MKNK2: variants seen among roughly 807,000 people sequenced by gnomAD.
MKNK2 encodes the protein MAPK interacting serine/threonine kinase 2, also known as MAP kinase-interacting serine/threonine-protein kinase 2.
Under a neutral mutation model 55.0 loss-of-function variants are expected in MKNK2, and 54 were observed. The observed-to-expected ratio is 0.98, with a 90% CI of 0.79 to 1.23. The LOEUF is 1.23. Among genes scored for constraint, MKNK2 ranks in the 50% most tolerant of loss-of-function variants. The probability of loss-of-function intolerance (pLI) is 0.00; values close to 1 mark genes in which losing one functional copy is unlikely to be tolerated. For synonymous variants in MKNK2, 323 were observed against 256.0 expected (o/e 1.26, Z -2.50); for missense variants, 685 against 632.1 (o/e 1.08, Z -0.90).
chr19:2,038,564 A>G lies in MKNK2; in HGVS notation c.*1049T>C, dbSNP rs2016804841. On this transcript the variant is annotated 3_prime_UTR_variant, in exon 14 of 14. Transcript: ENST00000250896. ...CCGTTTTCCTGAAGGTGGCAGACCA[A>G]AAACACTGCCCTGGGGGTGAGGATT... The G allele has an allele frequency of 1.0e-6, 1 of 985,574 alleles. No individual in the cohort carries two copies. Among genetic ancestry groups the G allele is most frequent in the Non-Finnish European group, 1.2e-6 (1 of 829,996 alleles). The allele number at this position is 985,574 out of a possible 1,614,324, so 61.1% of individuals were successfully genotyped here. A position where few individuals can be genotyped will look rare whatever the true frequency, so the allele number is the denominator to read the frequency against.
chr19:2,042,917 C>A, intron 7 of MKNK2, 47 bp from the exon 8 acceptor site: 1 of 1,523,410 alleles, frequency 6.6e-7, no homozygotes, highest in Non-Finnish European at 8.9e-7. Context: ...CGCAGGTCAC[C>A]TCAAAGTCCC....
intron 10 of MKNK2, 194 bp downstream of exon 10, chr19:2,042,232 CA>C: frequency 1.4e-6 from 1 of 726,662 alleles, no homozygotes; most frequent in South Asian, 2.0e-5. Context: ...GGCCCCGCCC[CA>C]CCCGGCCAAA....
At chr19:2,049,941 TCA>T (rs1275458702) in intron 2 of MKNK2, among the ~76,000 whole-genome samples, 2 of 151,822 alleles carry the variant, frequency 1.3e-5, no homozygotes, top group African/African-American at 4.8e-5. Context: ...ACACATACAC[TCA>T]CACTCTCTCT....
In MKNK2 at chr19:2,041,101, A is replaced by C; in HGVS notation, c.1049T>G (p.Val350Gly). The C allele has an allele frequency of 6.2e-7, 1 of 1,614,016 alleles. No individual in the cohort carries two copies. The change falls in exon 12 of 14, where the codon GTC (valine) becomes GGC (glycine). Residue 350 changes from valine to glycine, a missense_variant. By Grantham distance (109) the Val-to-Gly change is moderately radical. Coordinates refer to ENST00000250896, the MANE Select transcript of MKNK2 (RefSeq NM_199054.3). ...ACTCAGCCTCTGCTTGGCGTCACGG[A>C]CCAGCAGCTTGGAGATGAGGTCTTT... ...AAKDLISKLLVRDAKQRLSAA... is the reference protein window; with the variant it reads ...AAKDLISKLLGRDAKQRLSAA...
intron 2 of MKNK2, among the ~76,000 whole-genome samples, chr19:2,050,476 C>T (rs566344017): frequency 6.6e-6 from 1 of 152,372 alleles, no homozygotes; most frequent in South Asian, 2.1e-4. Context: ...CCTGCTGACC[C>T]CCCAGAACAT....
chr19:2,041,031 G>T lies in MKNK2; in HGVS notation c.1110+9C>A, dbSNP rs2016867748. On this transcript the variant is annotated intron_variant, in intron 12 of 13. Coordinates refer to ENST00000250896, the MANE Select transcript of MKNK2 (RefSeq NM_199054.3). Reference sequence around the variant, plus strand: ...TACCCCTCCTGCCGCCCGTGCGGCTGGTACTCACCCCCTGAACCCAGGGGT... The same window carrying T: ...TACCCCTCCTGCCGCCCGTGCGGCTTGTACTCACCCCCTGAACCCAGGGGT... 1 of 1,613,436 alleles carries T rather than the reference G, an allele frequency of 6.2e-7. No individual in the cohort carries two copies. The highest frequency in any genetic ancestry group is 8.5e-7 in the Non-Finnish European group (1 of 1,179,812).
intron 2 of MKNK2, among the ~76,000 whole-genome samples, chr19:2,047,664 G>A (rs2017028872): frequency 1.3e-5 from 2 of 152,080 alleles, no homozygotes; most frequent in Admixed American, 1.3e-4. Context: ...GCCATCTCAG[G>A]GCAGCTGAGT....
In MKNK2 at chr19:2,050,714, C is replaced by T. The variant is rs969593272; in HGVS notation, c.51+87G>A. On this transcript the variant is annotated intron_variant, in intron 2 of 13. Transcript: ENST00000250896. ...GGGGCCAGGCACGAGCCCCGGGAGC[C>T]GATCTTAGGGGCGGGCCCCGCGCCC... 70 of 1,310,866 alleles carry T rather than the reference C, an allele frequency of 5.3e-5. 1 individual carries two copies. In the African/African-American group the frequency reaches 7.8e-4, roughly 15 times the overall value. 81.2% of individuals were successfully genotyped at this position (1,310,866 alleles called of 1,614,324 possible).
intron 7 of MKNK2, 57 bp from the exon 8 acceptor site, chr19:2,042,927 C>T: frequency 6.6e-7 from 1 of 1,507,822 alleles, no homozygotes; most frequent in Non-Finnish European, 9.0e-7. Context: ...CTCAAAGTCC[C>T]CTCAAGGCCA....
intron 4 of MKNK2, 41 bp downstream of exon 4, chr19:2,046,326 C>T (rs75854250): frequency 0.041 from 65,040 of 1,603,596 alleles, 1,584 homozygotes; most frequent in East Asian, 0.11. Flanking sequence ...CCTGGCTTTT[C>T]CCCGCTCCCG....
In MKNK2 at chr19:2,042,663, CT is replaced by C; in HGVS notation, c.599-2del. ...GGCTTTAGGTCCCTGTGGGCGATGC[CT>C]GGGGGAGAAGCCACAGAACCACGAC... is the stretch of plus-strand genomic sequence containing the variant. On this transcript the variant is annotated splice_acceptor_variant, in intron 8 of 13. Coordinates refer to ENST00000250896, the MANE Select transcript of MKNK2 (RefSeq NM_199054.3). LOFTEE classifies it high-confidence loss of function. 6.4e-7 allele frequency: 1 copy of C among 1,560,838 alleles called. No individual in the cohort carries two copies. Among genetic ancestry groups the C allele is most frequent in the East Asian group, 2.4e-5 (1 of 42,406 alleles).
At position 2,041,860 on chromosome 19, in the gene MKNK2, C is replaced by A; in HGVS notation, c.925G>T (p.Glu309Ter). The A allele has an allele frequency of 6.5e-7, 1 of 1,534,088 alleles. No individual in the cohort carries two copies. The highest frequency in any genetic ancestry group is 8.8e-7 in the Non-Finnish European group (1 of 1,139,786). Residue 309 changes from glutamate to a stop codon, truncating the protein, a stop_gained, in exon 11 of 14, where the codon GAG (glutamate) becomes TAG (stop). Transcript: ENST00000250896. LOFTEE classifies it high-confidence loss of function. The stretch of plus-strand genomic sequence containing the variant: ...CGCACCTGGCAGGCAGGGCAGGCCT[C>A]GCCGCGGTCCCAGCCGCAGTCGCTG... ...CGSDCGWDRG[E>*]ACPACQNMLF...
Position 2,041,941 on chromosome 19 carries a change from C to T in MKNK2, c.844G>A (p.Gly282Ser). 2.6e-6 allele frequency: 4 copies of T among 1,555,820 alleles called. No individual in the cohort carries two copies. The highest frequency in any genetic ancestry group is 3.5e-6 in the Non-Finnish European group (4 of 1,149,788). The change falls in exon 11 of 14, where the codon GGC (glycine) becomes AGC (serine). Residue 282 changes from glycine (G) to serine (S), a missense_variant. By Grantham distance (56) the Gly-to-Ser change is moderately conservative. Transcript: ENST00000250896. The part of the protein sequence containing the change: ...YDKRCDLWSL[G>S]VILYILLSGY... ...CTGAGTAGGATATACAAGATGACGC[C>T]CAGGCTCCACAGGTCGCAGCGCTTG...
intron 2 of MKNK2, among the ~76,000 whole-genome samples, chr19:2,048,242 T>TAGAAA (rs1195023346): frequency 1.3e-5 from 2 of 152,058 alleles, no homozygotes; most frequent in African/African-American, 2.4e-5. Flanking sequence ...GGGTCATTTC[T>TAGAAA]TGACCCAGCC....
chr19:2,042,037 G>GCGGGCGGGGGAGGGGCGCGT lies in MKNK2; in HGVS notation c.751-23_751-4dup. ...GCCATGTACTCCGCCGAGCCGCACTGCGGGCGGGGGAGGGGCGCGTCAGCC... is the reference window on the plus strand; with the variant it reads ...GCCATGTACTCCGCCGAGCCGCACTGCGGGCGGGGGAGGGGCGCGTCGGGCGGGGGAGGGGCGCGTCAGCC... On this transcript the variant is annotated splice_polypyrimidine_tract_variant and splice_region_variant and intron_variant, in intron 10 of 13. Transcript: ENST00000250896. 1 of 1,483,540 alleles carries GCGGGCGGGGGAGGGGCGCGT rather than the reference G, an allele frequency of 6.7e-7. No homozygotes were observed. Among genetic ancestry groups the GCGGGCGGGGGAGGGGCGCGT allele is most frequent in the Non-Finnish European group, 9.0e-7 (1 of 1,115,676 alleles). 91.9% of individuals were successfully genotyped at this position (1,483,540 alleles called of 1,614,324 possible).
Position 2,046,776 on chromosome 19 carries a change from G to A in MKNK2, c.52-85C>T, listed in dbSNP as rs550928166. On this transcript the variant is annotated intron_variant, in intron 2 of 13. Coordinates refer to ENST00000250896, the MANE Select transcript of MKNK2 (RefSeq NM_199054.3). ...ACCTATCCTGCCCCAGTGTCGCAGCGTCCACACTGACAAGCCCTGCGCTGA... is the reference window on the plus strand; with the variant it reads ...ACCTATCCTGCCCCAGTGTCGCAGCATCCACACTGACAAGCCCTGCGCTGA... The A allele has an allele frequency of 8.5e-4, 935 of 1,096,894 alleles. 3 individuals are homozygous for A. Among genetic ancestry groups the A allele is most frequent in the Non-Finnish European group, 1.1e-3 (875 of 779,992 alleles). 67.9% of individuals were successfully genotyped at this position (1,096,894 alleles called of 1,614,324 possible). A position where few individuals can be genotyped will look rare whatever the true frequency, so the allele number is the denominator to read the frequency against.
At position 2,044,294 on chromosome 19, in the gene MKNK2, C is replaced by T. The variant is rs893459005; in HGVS notation, c.340-712G>A. ...CTCCCCAGCTCCGTGCCAGCCTGGG[C>T]AGACACTTGCCTGCCGCCTCAGCCA... On this transcript the variant is annotated intron_variant, in intron 5 of 13. Coordinates refer to ENST00000250896, the MANE Select transcript of MKNK2 (RefSeq NM_199054.3). 3.3e-5 allele frequency among the ~76,000 whole-genome samples: 5 copies of T among 152,354 alleles called. No individual in the cohort carries two copies. In the South Asian group the frequency reaches 1.0e-3, roughly 32 times the overall value.
rs774940427 is a variant in MKNK2, at chr19:2,043,193, C to T, written c.424G>A (p.Val142Ile). 21 of 1,017,362 alleles carry T rather than the reference C, an allele frequency of 2.1e-5. No homozygotes were observed. Among genetic ancestry groups the T allele is most frequent in the Non-Finnish European group, 3.1e-5 (20 of 636,152 alleles). The allele number at this position is 1,017,362 out of a possible 1,614,324, so 63.0% of individuals were successfully genotyped here. A position where few individuals can be genotyped will look rare whatever the true frequency, so the allele number is the denominator to read the frequency against. Residue 142 changes from valine (V) to isoleucine (I), a missense_variant, in exon 7 of 14, where the codon GTC becomes ATC. Physicochemically the swap from Val to Ile is conservative, Grantham distance 29 (BLOSUM62 3). Coordinates refer to ENST00000250896, the MANE Select transcript of MKNK2 (RefSeq NM_199054.3). ...TCGAAGAACTCAATCAGCTCTAGGA[C>T]GTTCCTGGGGTGGGGGTGGGGGCAG... ...MLYQCQGHRN[V>I]LELIEFFEEE...
chr19:2,039,695 G>C lies in MKNK2; in HGVS notation c.1316C>G (p.Pro439Arg). The change falls in exon 14 of 14, where the codon CCC (proline) becomes CGC (arginine). Residue 439 changes from proline (P) to arginine (R), a missense_variant. Pro to Arg is a moderately radical substitution (Grantham distance 103, BLOSUM62 -2). Transcript: ENST00000250896. Reference protein sequence around the residue: ...ATSRCLQLSPPSQSKLAQRRQ... With the variant: ...ATSRCLQLSPRSQSKLAQRRQ... ...CCGCTGCGCCAGCTTGGACTGGGAGGGTGGAGACAGCTGCAGGCAGCGTGA... is the reference window on the plus strand; with the variant it reads ...CCGCTGCGCCAGCTTGGACTGGGAGCGTGGAGACAGCTGCAGGCAGCGTGA... The C allele has an allele frequency of 6.2e-7, 1 of 1,613,046 alleles. No individual in the cohort carries two copies. Among genetic ancestry groups the C allele is most frequent in the Non-Finnish European group, 8.5e-7 (1 of 1,179,940 alleles).
Sources: allele counts gnomAD v4.1 joint callset (sites outside exome capture counted in the v4.1 genomes callset), GRCh38; gene constraint gnomAD v4.1.1; transcripts MANE v1.5; gene names NCBI Gene and HGNC (gene_info 2026-07-23, HGNC 2026-07-21).